The following TERF2 variants were observed in gnomAD, a reference collection of about 807,000 sequenced individuals.
The protein encoded by TERF2 is telomeric repeat-binding factor 2.
A neutral mutation model predicts 56.1 loss-of-function variants in TERF2; 16 were observed. That is an observed-to-expected ratio of 0.29 (90% CI 0.19 to 0.43). The LOEUF is 0.43. Among genes scored for constraint, TERF2 ranks in the 20% least tolerant of loss-of-function variants. The pLI is 1.00. For synonymous variants in TERF2, 296 were observed against 282.1 expected, an observed-to-expected ratio of 1.05 and a Z score of -0.50; for missense variants, 547 against 712.9, an observed-to-expected ratio of 0.77 and a Z score of 2.65.
At chr16:69,377,287 T>TATG (rs1283224953) in intron 3 of TERF2, among the ~76,000 whole-genome samples, 1 of 152,128 alleles carries the variant, frequency 6.6e-6, no homozygotes, top group Admixed American at 6.6e-5. Flanking sequence ...AAGTGGCAAC[T>TATG]TAATTTATGT....
chr16:69,378,953 G>C (rs1001158138), intron 3 of TERF2, among the ~76,000 whole-genome samples: 3 of 151,048 alleles, frequency 2.0e-5, no homozygotes, highest in South Asian at 4.3e-4. Flanking sequence ...TTTCCTGTGG[G>C]GGGGGGGAAA....
intron 3 of TERF2, among the ~76,000 whole-genome samples, chr16:69,378,548 T>G (rs1408622813): frequency 6.6e-6 from 1 of 152,174 alleles, no homozygotes; most frequent in African/African-American, 2.4e-5. Context: ...AGAGAAAGCT[T>G]CTCTTGGTGC....
At chr16:69,368,144 T>C (rs2013420328) in intron 6 of TERF2, among the ~76,000 whole-genome samples, 1 of 152,014 alleles carries the variant, frequency 6.6e-6, no homozygotes, top group African/African-American at 2.4e-5. Flanking sequence ...GAGAGAGAAA[T>C]GGTGAAAGAG....
At chr16:69,381,715 A>C (rs116768921) in intron 3 of TERF2, among the ~76,000 whole-genome samples, 2,496 of 152,192 alleles carry the variant, frequency 0.016, 77 homozygotes, top group African/African-American at 0.057. Context: ...TCCTAGGCTC[A>C]AGCGATCCAC....
intron 8 of TERF2, among the ~76,000 whole-genome samples, chr16:69,357,846 C>CTTTT (rs71383989): frequency 8.2e-5 from 10 of 121,910 alleles, no homozygotes; most frequent in East Asian, 2.2e-4. Context: ...ACATCGTTTT[C>CTTTT]TTTTTTTTTT....
In TERF2 at chr16:69,355,822, G is replaced by A. The variant is rs2012876894; in HGVS notation, c.*1076C>T. ...AACCATTTCACAAAGAATGAAATTA[G>A]GCATTTATATTCAATCGGATTTTTT... is the stretch of plus-strand genomic sequence containing the variant. On this transcript the variant is annotated 3_prime_UTR_variant, in exon 10 of 10. Coordinates refer to ENST00000254942, the MANE Select transcript of TERF2 (RefSeq NM_005652.5). 6.1e-6 allele frequency: 1 copy of A among 163,980 alleles called. No individual in the cohort carries two copies. The highest frequency in any genetic ancestry group is 1.3e-5 in the Non-Finnish European group (1 of 74,972). 10.2% of individuals were successfully genotyped at this position (163,980 alleles called of 1,614,324 possible). A position where few individuals can be genotyped will look rare whatever the true frequency, so the allele number is the denominator to read the frequency against.
intron 2 of TERF2, 66 bp from the exon 3 acceptor site, chr16:69,384,776 T>TTA (rs952587124): frequency 2.3e-4 from 322 of 1,381,226 alleles, no homozygotes; most frequent in Middle Eastern, 1.1e-3. Flanking sequence ...TGTCCAAAAA[T>TTA]TATATATATA....
chr16:69,367,224 G>T, intron 6 of TERF2, 25 bp from the exon 7 acceptor site: 1 of 1,574,720 alleles, frequency 6.4e-7, no homozygotes, highest in Non-Finnish European at 8.6e-7. Flanking sequence ...TAGGCACAAA[G>T]ATGTTTTTCA....
rs2013804189 is a variant in TERF2, at chr16:69,376,834, CG to C, written c.607-4480del. On this transcript the variant is annotated intron_variant, in intron 3 of 9. Transcript: ENST00000254942. Reference sequence around the variant, plus strand: ...ATGATTATGCCACTGCATTCCAGCCCGGGTGACAGAGCGAGACCTTGTCACA... The same window carrying C: ...ATGATTATGCCACTGCATTCCAGCCCGGTGACAGAGCGAGACCTTGTCACA... Among the ~76,000 whole-genome samples the C allele has an allele frequency of 3.0e-5, 4 of 133,902 alleles. No homozygotes were observed. In the Admixed American group the frequency reaches 3.2e-4, roughly 11 times the overall value. 87.8% of individuals were successfully genotyped at this position (133,902 alleles called of 152,430 possible).
intron 3 of TERF2, among the ~76,000 whole-genome samples, chr16:69,374,619 T>A (rs561266907): frequency 2.5e-4 from 23 of 93,242 alleles, no homozygotes; most frequent in African/African-American, 1.0e-3. Context: ...CGAGACCCTC[T>A]CTCTCTTTAA....
intron 7 of TERF2, 104 bp from the exon 8 acceptor site, chr16:69,361,593 G>T (rs1214898355): frequency 1.2e-6 from 1 of 815,350 alleles, no homozygotes; most frequent in Non-Finnish European, 2.1e-6. Flanking sequence ...TTCCTGTCCC[G>T]TTGTGACCAC....
At chr16:69,375,685 A>C (rs182962876) in intron 3 of TERF2, among the ~76,000 whole-genome samples, 4 of 152,298 alleles carry the variant, frequency 2.6e-5, no homozygotes, top group Admixed American at 6.5e-5. Context: ...TCTTGGCCTC[A>C]AGCAATCCTC....
chr16:69,367,160 A>G lies in TERF2; in HGVS notation c.987T>C (p.Thr329=), dbSNP rs1266080590. The G allele has an allele frequency of 2.5e-6, 4 of 1,614,006 alleles. No homozygotes were observed. Among genetic ancestry groups the G allele is most frequent in the Non-Finnish European group, 2.5e-6 (3 of 1,180,002 alleles). The change falls in exon 7 of 10, where the codon ACT becomes ACC. Residue 329 remains threonine, a synonymous_variant. Transcript: ENST00000254942. ...RNPPTTIGMM[T]LKAAFKTLSG... is the part of the protein sequence containing the mutation. ...ACAGAGTCTTGAAAGCTGCTTTCAG[A>G]GTCATCATTCCAATGGTGGTTGGAG... is the stretch of plus-strand genomic sequence containing the variant.
At chr16:69,373,401 T>C (rs1004398734) in intron 3 of TERF2, among the ~76,000 whole-genome samples, 1 of 152,080 alleles carries the variant, frequency 6.6e-6, no homozygotes, top group Non-Finnish European at 1.5e-5. Flanking sequence ...TTATAATATA[T>C]ATGAACATTT....
Position 69,367,054 on chromosome 16 carries a change from A to G in TERF2, c.1093T>C (p.Ser365Pro). ...GGTCTCTTGTTTTTGAGGGCTGGTG[A>G]TGCTGGGAGAGCTTGAGTAGGAAGA... is the stretch of plus-strand genomic sequence containing the variant. ...LVLPTQALPA[S>P]PALKNKRPRK... is the part of the protein sequence containing the mutation. Residue 365 changes from serine (S) to proline (P), a missense_variant, in exon 7 of 10, where the codon TCA becomes CCA. Around this residue, in one of 6 missense-constraint regions of TERF2, gnomAD observed 211 missense variants for 236.8 expected, o/e 0.89. Coordinates refer to ENST00000254942, the MANE Select transcript of TERF2 (RefSeq NM_005652.5). 6.2e-7 allele frequency: 1 copy of G among 1,614,160 alleles called. No individual in the cohort carries two copies. The highest frequency in any genetic ancestry group is 1.1e-5 in the South Asian group (1 of 91,084).
At chr16:69,363,609 G>A (rs139037602) in intron 7 of TERF2, among the ~76,000 whole-genome samples, 171 of 152,212 alleles carry the variant, frequency 1.1e-3, no homozygotes, top group Non-Finnish European at 2.1e-3. Context: ...TGGCTGCTGC[G>A]GCTTGTGTAC....
Position 69,385,660 on chromosome 16 carries a change from G to A in TERF2, c.312C>T (p.His104=), listed in dbSNP as rs745873427. Reference sequence around the variant, plus strand: ...TACCCCGAAAGGCCCGCAGCGCCTCGTGGAAGTAGAACTTGAGCACCCAGC... The same window carrying A: ...TACCCCGAAAGGCCCGCAGCGCCTCATGGAAGTAGAACTTGAGCACCCAGC... ...VNRWVLKFYF[H]EALRAFRGSR... is the part of the protein sequence containing the mutation. Residue 104 remains histidine, a synonymous_variant, in exon 1 of 10, where the codon CAC becomes CAT. Coordinates refer to ENST00000254942, the MANE Select transcript of TERF2 (RefSeq NM_005652.5). 2.5e-6 allele frequency: 4 copies of A among 1,609,530 alleles called. No individual in the cohort carries two copies. The Admixed American group carries it at 6.7e-5, about 27-fold the overall frequency.
At chr16:69,378,173 T>C (rs1383402780) in intron 3 of TERF2, among the ~76,000 whole-genome samples, 3 of 152,228 alleles carry the variant, frequency 2.0e-5, no homozygotes, top group Non-Finnish European at 4.4e-5. Flanking sequence ...TCTCTTAATA[T>C]GGTGGACTAC....
At position 69,369,180 on chromosome 16, in the gene TERF2, A is replaced by G. The variant is rs150062471; in HGVS notation, c.841-698T>C. 7.2e-3 allele frequency among the ~76,000 whole-genome samples: 607 copies of G among 84,660 alleles called. 3 individuals carry two copies. The highest frequency in any genetic ancestry group is 0.033 in the African/African-American group (577 of 17,252). The allele number at this position is 84,660 out of a possible 152,430, so 55.5% of individuals were successfully genotyped here. On this transcript the variant is annotated intron_variant, in intron 5 of 9. Coordinates refer to ENST00000254942, the MANE Select transcript of TERF2 (RefSeq NM_005652.5). ...AATGGAAAGGAAAGGACCCTAGGCC[A>G]GGCTCAACTATCTTGACACCTGCTG...
Sources: allele counts gnomAD v4.1 joint callset (sites outside exome capture counted in the v4.1 genomes callset), GRCh38; gene constraint gnomAD v4.1.1; regional missense constraint gnomAD v4.1.1; transcripts MANE v1.5; gene names NCBI Gene and HGNC (gene_info 2026-07-23, HGNC 2026-07-21).